Variants in WDR70 observed in about 807,000 individuals in gnomAD.
The protein encoded by WDR70 is WD repeat-containing protein 70.
A neutral mutation model predicts 88.6 loss-of-function variants in WDR70; 53 were observed. That is an observed-to-expected ratio of 0.60 (90% CI 0.48 to 0.75). WDR70 has a LOEUF of 0.75. Ranked by LOEUF, WDR70 falls within the 30% of genes least tolerant of loss-of-function variation. The pLI is 0.00. For synonymous variants in WDR70, 280 were observed against 270.0 expected (o/e 1.04, Z -0.36); for missense variants, 610 against 823.2 (o/e 0.74, Z 3.17).
chr5:37,545,790 C>CT (rs1741973747), intron 9 of WDR70, among the ~76,000 whole-genome samples: 1 of 152,122 alleles, frequency 6.6e-6, no homozygotes, highest in African/African-American at 2.4e-5. Flanking sequence ...TCGCAAAGTG[C>CT]TGGCATTACA....
intron 8 of WDR70, among the ~76,000 whole-genome samples, chr5:37,497,684 AT>A (rs1740273339): frequency 6.6e-6 from 1 of 151,518 alleles, no homozygotes; most frequent in Admixed American, 6.6e-5. Flanking sequence ...TTAATTAATT[AT>A]TTTTTTTCTT....
chr5:37,547,852 A>T (rs1742039671), intron 9 of WDR70, among the ~76,000 whole-genome samples: 1 of 152,094 alleles, frequency 6.6e-6, no homozygotes. Context: ...CATGGGCTCA[A>T]TTATTTTGAT....
At position 37,396,389 on chromosome 5, in the gene WDR70, G is replaced by A. The variant is rs1419485796; in HGVS notation, c.311G>A (p.Ser104Asn). The change falls in exon 5 of 18, where the codon AGT becomes AAT. Residue 104 changes from serine (S) to asparagine (N), a missense_variant. Coordinates refer to ENST00000265107, the MANE Select transcript of WDR70 (RefSeq NM_018034.4). ...TGTATTTTCAGGGATACGAGCAGCAGTGAAAGTGAACAGAGTTCTGACTCT... is the reference window on the plus strand; with the variant it reads ...TGTATTTTCAGGGATACGAGCAGCAATGAAAGTGAACAGAGTTCTGACTCT... ...SKSSSRDTSS[S>N]ESEQSSDSSD... 1.2e-6 allele frequency: 2 copies of A among 1,610,996 alleles called. No homozygotes were observed. The highest frequency in any genetic ancestry group is 2.7e-5 in the African/African-American group (2 of 74,822).
chr5:37,399,140 T>C (rs1175973342), intron 5 of WDR70, among the ~76,000 whole-genome samples: 1 of 152,166 alleles, frequency 6.6e-6, no homozygotes, highest in African/African-American at 2.4e-5. Flanking sequence ...TAGCCGGGCA[T>C]GGTGGTGGGC....
chr5:37,440,867 C>G (rs1327596154), intron 6 of WDR70, among the ~76,000 whole-genome samples: 1 of 152,246 alleles, frequency 6.6e-6, no homozygotes, highest in Non-Finnish European at 1.5e-5. Context: ...GAATTTGTCT[C>G]ATATTTGTCA....
chr5:37,567,517 G>A (rs1180756250), intron 9 of WDR70, among the ~76,000 whole-genome samples: 1 of 152,116 alleles, frequency 6.6e-6, no homozygotes, highest in Non-Finnish European at 1.5e-5. Context: ...TTGTTCTTAT[G>A]TTAACTCTTT....
chr5:37,411,962 T>A (rs1749539711), intron 5 of WDR70, among the ~76,000 whole-genome samples: 1 of 152,036 alleles, frequency 6.6e-6, no homozygotes, highest in Non-Finnish European at 1.5e-5. Flanking sequence ...TTACTTATTT[T>A]ATTCCATTTT....
At chr5:37,582,010 T>TA (rs879507845) in intron 9 of WDR70, among the ~76,000 whole-genome samples, 309 of 148,520 alleles carry the variant, frequency 2.1e-3, no homozygotes, top group African/African-American at 6.8e-3. Flanking sequence ...TTTGAAAACT[T>TA]AAAAAAAAAA....
In WDR70 at chr5:37,381,093, G is replaced by A. The variant is rs375650315; in HGVS notation, c.92-509G>A. On this transcript the variant is annotated intron_variant, in intron 2 of 17. Coordinates refer to ENST00000265107, the MANE Select transcript of WDR70 (RefSeq NM_018034.4). ...CATGCTCATCCAGTTCCTTGTTAGA[G>A]GGCTGAGATTTCTGTTTCCCTCTTA... Among the ~76,000 whole-genome samples, 14 of 152,286 alleles carry A rather than the reference G, an allele frequency of 9.2e-5. No homozygotes were observed. The South Asian group carries it at 2.1e-3, about 23-fold the overall frequency.
intron 4 of WDR70, among the ~76,000 whole-genome samples, chr5:37,394,657 ACTT>A (rs1214181617): frequency 2.6e-5 from 4 of 152,152 alleles, no homozygotes; most frequent in Non-Finnish European, 4.4e-5. Context: ...GTGCCCTTAG[ACTT>A]CTTTGAGGAG....
In WDR70 at chr5:37,740,520, C is replaced by T. The variant is rs1045072825; in HGVS notation, c.1878-11966C>T. 7.9e-5 allele frequency among the ~76,000 whole-genome samples: 12 copies of T among 152,200 alleles called. No individual in the cohort carries two copies. In the Middle Eastern group the frequency reaches 0.01, roughly 129 times the overall value. ...TCTTTATTCAGCAAACAACACACAG[C>T]TCTTATTAAAGGTTCTGAATTATGC... On this transcript the variant is annotated intron_variant, in intron 17 of 17. Transcript: ENST00000265107.
At chr5:37,391,965 G>C (rs375768668) in intron 3 of WDR70, 35 bp from the exon 4 acceptor site, 98 of 1,578,694 alleles carry the variant, frequency 6.2e-5, no homozygotes, top group Non-Finnish European at 7.6e-5. Flanking sequence ...GTAACCGTTG[G>C]GATTTTTTTG....
intron 9 of WDR70, among the ~76,000 whole-genome samples, chr5:37,549,555 A>G (rs1481774623): frequency 6.6e-6 from 1 of 152,192 alleles, no homozygotes; most frequent in African/African-American, 2.4e-5. Flanking sequence ...AGACTTTTGC[A>G]AACATAAGAT....
intron 10 of WDR70, among the ~76,000 whole-genome samples, chr5:37,678,131 A>G (rs1169239062): frequency 6.6e-6 from 1 of 152,110 alleles, no homozygotes; most frequent in Admixed American, 6.6e-5. Context: ...GTGTCTCTGC[A>G]CGTGAGATGG....
At chr5:37,384,089 A>G (rs937090990) in intron 3 of WDR70, among the ~76,000 whole-genome samples, 2 of 152,156 alleles carry the variant, frequency 1.3e-5, no homozygotes, top group African/African-American at 4.8e-5. Context: ...TTGTTTTAAA[A>G]AAAGCTTAAC....
intron 6 of WDR70, among the ~76,000 whole-genome samples, chr5:37,442,763 T>C (rs546620775): frequency 3.8e-4 from 58 of 152,376 alleles, no homozygotes; most frequent in African/African-American, 1.3e-3. Flanking sequence ...TGCTTTGTTC[T>C]ACTTTGTTAA....
At chr5:37,592,418 T>C (rs1221851519) in intron 9 of WDR70, among the ~76,000 whole-genome samples, 1 of 143,782 alleles carries the variant, frequency 7.0e-6, no homozygotes, top group Non-Finnish European at 1.5e-5. Context: ...TATTCATACA[T>C]AAGTACTTAA....
At chr5:37,501,331 T>C (rs1282657193) in intron 8 of WDR70, among the ~76,000 whole-genome samples, 1 of 152,188 alleles carries the variant, frequency 6.6e-6, no homozygotes, top group Non-Finnish European at 1.5e-5. Flanking sequence ...TTGGCCAGTT[T>C]CCAGAAAAGT....
At chr5:37,391,416 T>C (rs10941328) in intron 3 of WDR70, among the ~76,000 whole-genome samples, 147,919 of 152,270 alleles carry the variant, frequency 0.97, 72,008 homozygotes, top group East Asian at 1. Context: ...ATTCTTCATT[T>C]CCCCTCCCTC....
Sources: gnomAD v4.1 joint callset for allele counts (sites outside exome capture counted in the v4.1 genomes callset) on GRCh38, gnomAD v4.1.1 for gene constraint, MANE v1.5 for transcripts, NCBI Gene and HGNC (gene_info 2026-07-23, HGNC 2026-07-21) for gene names.